Variants in EMX2 observed in about 807,000 individuals in gnomAD.
The protein encoded by EMX2 is empty spiracles homeobox 2, also known as homeobox protein EMX2.
A neutral mutation model predicts 23.0 loss-of-function variants in EMX2; 6 were observed. The observed-to-expected ratio is 0.26, with a 90% CI of 0.14 to 0.52. EMX2 has a LOEUF of 0.52. EMX2 is among the 20% of genes least tolerant of loss of function. EMX2 has a pLI of 0.97. For missense variants in EMX2, 302 were observed against 341.4 expected (o/e 0.88, Z 0.91); for synonymous variants, 175 against 153.3 (o/e 1.14, Z -1.04).
chr10:117,543,730 C>T, intron 1 of EMX2, 57 bp downstream of exon 1: 2 of 1,612,318 alleles, frequency 1.2e-6, no homozygotes, highest in Admixed American at 3.3e-5. Flanking sequence ...CTTCACTGCC[C>T]CCGGCCTGCT....
Position 117,548,405 on chromosome 10 carries a change from C to A in EMX2, c.*173C>A. On this transcript the variant is annotated 3_prime_UTR_variant, in exon 3 of 3. Coordinates refer to ENST00000553456, the MANE Select transcript of EMX2 (RefSeq NM_004098.4). ...CGGCGAAGACTCTGGACAGCGAGGGCACAGGGTCCCAAACCGAGGCCGCGC... is the reference window on the plus strand; with the variant it reads ...CGGCGAAGACTCTGGACAGCGAGGGAACAGGGTCCCAAACCGAGGCCGCGC... 1 of 1,066,804 alleles carries A rather than the reference C, an allele frequency of 9.4e-7. No homozygotes were observed. Among genetic ancestry groups the A allele is most frequent in the Non-Finnish European group, 1.3e-6 (1 of 757,058 alleles). 66.1% of individuals were successfully genotyped at this position (1,066,804 alleles called of 1,614,324 possible). A position where few individuals can be genotyped will look rare whatever the true frequency, so the allele number is the denominator to read the frequency against.
chr10:117,543,149 AC>A lies in EMX2; in HGVS notation c.-115del. The A allele has an allele frequency of 3.6e-5, 2 of 55,752 alleles. No individual in the cohort carries two copies. Among genetic ancestry groups the A allele is most frequent in the Non-Finnish European group, 6.2e-5 (2 of 32,504 alleles). 3.5% of individuals were successfully genotyped at this position (55,752 alleles called of 1,614,324 possible). ...TTTCCTTCCCCCCACCCCCACCCCC[AC>A]CCCAAACAAACGAGTCCCCAATTCT... On this transcript the variant is annotated 5_prime_UTR_variant, in exon 1 of 3. Transcript: ENST00000553456.
At chr10:117,547,450 C>T (rs112664571) in intron 2 of EMX2, among the ~76,000 whole-genome samples, 1 of 152,168 alleles carries the variant, frequency 6.6e-6, no homozygotes, top group African/African-American at 2.4e-5. Flanking sequence ...CCCTCCTGGC[C>T]TCCTCCAGCC....
intron 2 of EMX2, among the ~76,000 whole-genome samples, chr10:117,546,164 G>T (rs1311226935): frequency 6.6e-6 from 1 of 152,210 alleles, no homozygotes; most frequent in African/African-American, 2.4e-5. Context: ...AGCACAGTGG[G>T]GTTTCTGGGT....
intron 2 of EMX2, among the ~76,000 whole-genome samples, chr10:117,547,123 T>C (rs1224568971): frequency 2.0e-5 from 3 of 152,108 alleles, no homozygotes; most frequent in Non-Finnish European, 4.4e-5. Context: ...GACTCAGCTT[T>C]CCTAGGGGGC....
At position 117,543,467 on chromosome 10, in the gene EMX2, C is replaced by T. The variant is rs1292987976; in HGVS notation, c.200C>T (p.Pro67Leu). Residue 67 changes from proline (P) to leucine (L), a missense_variant, in exon 1 of 3, where the codon CCG becomes CTG. Physicochemically the swap from Pro to Leu is moderately conservative, Grantham distance 98. Transcript: ENST00000553456. ...GCCGGTAGGGGCGTCTACTCCAACC[C>T]GGACTTGGTGTTCGCCGAGGCGGTC... ...AAAGRGVYSN[P>L]DLVFAEAVSH... 1.2e-6 allele frequency: 2 copies of T among 1,609,798 alleles called. No individual in the cohort carries two copies. The highest frequency in any genetic ancestry group is 1.7e-5 in the Admixed American group (1 of 59,824).
chr10:117,548,238 T>G lies in EMX2; in HGVS notation c.*6T>G, dbSNP rs769412428. 1.2e-6 allele frequency: 2 copies of G among 1,611,774 alleles called. No individual in the cohort carries two copies. Among genetic ancestry groups the G allele is most frequent in the East Asian group, 4.5e-5 (2 of 44,746 alleles). ...ACGTGACCTCAGATGATTAAAAACA[T>G]AAACCTAACCCCACAGAAACGGACA... On this transcript the variant is annotated 3_prime_UTR_variant, in exon 3 of 3. Transcript: ENST00000553456.
At chr10:117,543,748 G>T in intron 1 of EMX2, 75 bp downstream of exon 1, 4 of 1,608,948 alleles carry the variant, frequency 2.5e-6, no homozygotes, top group Non-Finnish European at 3.4e-6. Flanking sequence ...GCTCCGGGTG[G>T]GCGCTTGGCA....
Position 117,548,705 on chromosome 10 carries a change from A to T in EMX2, c.*473A>T. On this transcript the variant is annotated 3_prime_UTR_variant, in exon 3 of 3. Coordinates refer to ENST00000553456, the MANE Select transcript of EMX2 (RefSeq NM_004098.4). ...TGATGATGATAAAAACCACGACCCA[A>T]CCAGGCACAGGACTTTTTTGTTTTT... 2 of 413,630 alleles carry T rather than the reference A, an allele frequency of 4.8e-6. No homozygotes were observed. The highest frequency in any genetic ancestry group is 8.5e-6 in the Non-Finnish European group (2 of 234,580). The allele number at this position is 413,630 out of a possible 1,614,324, so 25.6% of individuals were successfully genotyped here.
intron 1 of EMX2, 63 bp from the exon 2 acceptor site, chr10:117,545,569 A>G: frequency 6.2e-7 from 1 of 1,602,836 alleles, no homozygotes; most frequent in East Asian, 2.2e-5. Context: ...CCGGCTCGGG[A>G]GAAGTGCGCG....
At chr10:117,544,756 G>A (rs950267193) in intron 1 of EMX2, 1 of 152,190 alleles carries the variant, frequency 6.6e-6, no homozygotes, top group East Asian at 1.9e-4. Context: ...TGCCTGGACT[G>A]TCGGCTTGTT....
rs34929200 is a variant in EMX2 at position 117,548,548 on chromosome 10, AAGAGAG to A, written c.*336_*341del. ...GGAGGGAGAGAGAGAAAGAGAGAGA[AAGAGAG>A]AGAGAGAGAGAGAGAGAGAAAGCTG... On this transcript the variant is annotated 3_prime_UTR_variant, in exon 3 of 3. Transcript: ENST00000553456. 15,149 of 286,044 alleles carry A rather than the reference AAGAGAG, an allele frequency of 0.053. 2 individuals carry two copies. The highest frequency in any genetic ancestry group is 0.1 in the South Asian group (1,761 of 16,946). The allele number at this position is 286,044 out of a possible 1,614,324, so 17.7% of individuals were successfully genotyped here. A position where few individuals can be genotyped will look rare whatever the true frequency, so the allele number is the denominator to read the frequency against.
At chr10:117,547,711 T>A (rs1371730295) in intron 2 of EMX2, among the ~76,000 whole-genome samples, 9 of 152,238 alleles carry the variant, frequency 5.9e-5, no homozygotes. Flanking sequence ...TAATCACTTA[T>A]TATTTTTGTA....
chr10:117,548,547 AAAGAG>A lies in EMX2; in HGVS notation c.*317_*321del. 2 of 394,538 alleles carry A rather than the reference AAAGAG, an allele frequency of 5.1e-6. No individual in the cohort carries two copies. Among genetic ancestry groups the A allele is most frequent in the Non-Finnish European group, 8.4e-6 (2 of 239,370 alleles). 24.4% of individuals were successfully genotyped at this position (394,538 alleles called of 1,614,324 possible). On this transcript the variant is annotated 3_prime_UTR_variant, in exon 3 of 3. Coordinates refer to ENST00000553456, the MANE Select transcript of EMX2 (RefSeq NM_004098.4). The stretch of plus-strand genomic sequence containing the variant: ...GGGAGGGAGAGAGAGAAAGAGAGAG[AAAGAG>A]AGAGAGAGAGAGAGAGAGAGAAAGC...
At chr10:117,545,887 A>G in intron 2 of EMX2, 71 bp downstream of exon 2, 1 of 1,599,892 alleles carries the variant, frequency 6.3e-7, no homozygotes, top group Non-Finnish European at 8.5e-7. Context: ...TCCCAAGCAC[A>G]CCCATGAGCA....
rs958969498 is a variant in EMX2, at chr10:117,542,980, C to T, written c.-288C>T. 24 of 351,422 alleles carry T rather than the reference C, an allele frequency of 6.8e-5. No individual in the cohort carries two copies. The highest frequency in any genetic ancestry group is 4.8e-4 in the African/African-American group (22 of 45,802). 21.8% of individuals were successfully genotyped at this position (351,422 alleles called of 1,614,324 possible). A position where few individuals can be genotyped will look rare whatever the true frequency, so the allele number is the denominator to read the frequency against. ...AAAGAAAAAAAATTACCCCAATCCA[C>T]GCCTGCAAATTCTTCTGGAAGGATT... On this transcript the variant is annotated 5_prime_UTR_variant, in exon 1 of 3. It adds an upstream start codon to the 5' untranslated region. Transcript: ENST00000553456.
chr10:117,545,857 G>C, intron 2 of EMX2, 41 bp downstream of exon 2: 1 of 1,612,626 alleles, frequency 6.2e-7, no homozygotes. Context: ...CTAGGCGTGC[G>C]CCCCCTCCCC....
intron 1 of EMX2, chr10:117,544,937 G>C (rs1383531554): frequency 6.6e-6 from 1 of 152,100 alleles, no homozygotes; most frequent in Admixed American, 6.5e-5. Flanking sequence ...GTTACAGACT[G>C]TCCTGGCGGT....
Position 117,545,717 on chromosome 10 carries a change from C to T in EMX2, c.492C>T (p.Ser164=). ...PKRIRTAFSP[S]QLLRLEHAFE... ...GGATCCGAACCGCCTTCTCCCCGTC[C>T]CAGCTTCTAAGGCTGGAACACGCCT... Residue 164 remains serine, a synonymous_variant, in exon 2 of 3, where the codon TCC becomes TCT. Transcript: ENST00000553456. The T allele has an allele frequency of 6.2e-7, 1 of 1,614,132 alleles. No individual in the cohort carries two copies. Among genetic ancestry groups the T allele is most frequent in the Non-Finnish European group, 8.5e-7 (1 of 1,180,044 alleles).
Sources: allele counts gnomAD v4.1 joint callset (sites outside exome capture counted in the v4.1 genomes callset), GRCh38; gene constraint gnomAD v4.1.1; transcripts MANE v1.5; gene names NCBI Gene and HGNC (gene_info 2026-07-23, HGNC 2026-07-21).